PUDP: variants seen among roughly 807,000 people sequenced by gnomAD.
The protein encoded by PUDP is pseudouridine-5'-phosphatase.
In PUDP, 8 loss-of-function variants were observed where a neutral mutation model predicts 9.4. The observed-to-expected ratio is 0.85, with a 90% confidence interval of 0.50 to 1.53. The LOEUF is 1.53. Among genes scored for constraint, PUDP ranks in the 40% most tolerant of loss-of-function variants. The pLI is 0.00. For synonymous variants in PUDP, 99 were observed against 80.7 expected (o/e 1.23, Z -1.22); for missense variants, 188 against 189.7 (o/e 0.99, Z 0.05).
intron 3 of PUDP, among the ~76,000 whole-genome samples, chrX:6,812,549 A>C (rs1926161039): frequency 1.8e-5 from 2 of 111,875 alleles, no homozygotes; most frequent in African/African-American, 6.5e-5. Context: ...GAAAGTTTGA[A>C]GAGACATTAC....
intron 1 of PUDP, among the ~76,000 whole-genome samples, chrX:7,132,923 T>G (rs1487290434): frequency 9.0e-5 from 10 of 111,544 alleles, no homozygotes; most frequent in Non-Finnish European, 1.1e-4. Context: ...GTGGTAAAGG[T>G]TCTCAGTAAA....
At chrX:6,822,658 C>G (rs912475004) in intron 3 of PUDP, among the ~76,000 whole-genome samples, 3 of 108,714 alleles carry the variant, frequency 2.8e-5, no homozygotes, top group African/African-American at 1.0e-4. Flanking sequence ...ATCTCCTGAC[C>G]TCGTGATCCA....
intron 3 of PUDP, among the ~76,000 whole-genome samples, chrX:6,854,026 C>A (rs1418571537): frequency 9.0e-6 from 1 of 111,681 alleles, no homozygotes; most frequent in South Asian, 3.8e-4. Flanking sequence ...AGCCTACTAA[C>A]GTGCTGGGAT....
chrX:6,723,794 A>G (rs1255052257), upstream of PUDP, among the ~76,000 whole-genome samples: 1 of 112,171 alleles, frequency 8.9e-6, no homozygotes, highest in Admixed American at 9.5e-5. Context: ...TCTAGGGAAG[A>G]TGAAAAAGTA....
At chrX:7,039,448 G>A (rs1247872205) in intron 1 of PUDP, among the ~76,000 whole-genome samples, 1 of 111,997 alleles carries the variant, frequency 8.9e-6, no homozygotes, top group East Asian at 2.8e-4. Context: ...TTGGAGATGG[G>A]TCATTAAGGA....
intron 3 of PUDP, among the ~76,000 whole-genome samples, chrX:6,795,935 T>C (rs1925837478): frequency 8.9e-6 from 1 of 112,128 alleles, no homozygotes; most frequent in South Asian, 3.7e-4. Flanking sequence ...GTGACTCTTC[T>C]TCCTTGAAAT....
chrX:7,066,041 T>C (rs1053436610), intron 3 of PUDP, among the ~76,000 whole-genome samples: 17 of 112,312 alleles, frequency 1.5e-4, no homozygotes, highest in African/African-American at 4.9e-4. Flanking sequence ...ATTGACACAA[T>C]TGTAAAAGAT....
At chrX:7,075,997 C>G (rs777187628) in intron 3 of PUDP, among the ~76,000 whole-genome samples, 11 of 110,812 alleles carry the variant, frequency 9.9e-5, no homozygotes, top group Non-Finnish European at 1.7e-4. Flanking sequence ...CTGGGCTAAC[C>G]GTAGGAGTCA....
chrX:6,958,540 T>C (rs762177063), intron 3 of PUDP, among the ~76,000 whole-genome samples: 1 of 110,912 alleles, frequency 9.0e-6, no homozygotes, highest in Non-Finnish European at 1.9e-5. Context: ...CTACTTTACT[T>C]TTTACAATGG....
chrX:7,046,702 G>A (rs2146833473), downstream of PUDP, among the ~76,000 whole-genome samples: 1 of 111,954 alleles, frequency 8.9e-6, no homozygotes, highest in South Asian at 3.8e-4. Flanking sequence ...CTTTGCCTAT[G>A]TGAAGGATGA....
downstream of PUDP, among the ~76,000 whole-genome samples, chrX:7,044,091 T>C (rs1308477486): frequency 8.9e-6 from 1 of 112,246 alleles, no homozygotes; most frequent in East Asian, 2.8e-4. Context: ...CACATAGGCA[T>C]GAAAAGTATT....
At chrX:7,028,792 G>C (rs767629890) in intron 1 of PUDP, among the ~76,000 whole-genome samples, 2 of 111,542 alleles carry the variant, frequency 1.8e-5, no homozygotes, top group Non-Finnish European at 3.8e-5. Flanking sequence ...GCCACGGACC[G>C]GGCCGCTTAC....
intron 2 of PUDP, among the ~76,000 whole-genome samples, chrX:7,094,047 G>T (rs1288288189): frequency 9.0e-6 from 1 of 111,440 alleles, no homozygotes; most frequent in Non-Finnish European, 1.9e-5. Flanking sequence ...GGGATCACTT[G>T]AGCCAGGGAG....
chrX:6,905,834 G>T (rs1004293844), intron 3 of PUDP, among the ~76,000 whole-genome samples: 1 of 111,827 alleles, frequency 8.9e-6, no homozygotes, highest in African/African-American at 3.3e-5. Context: ...TATCTTAAAT[G>T]CAAAATAAAA....
At chrX:7,120,051 C>T (rs1185748409) in intron 1 of PUDP, among the ~76,000 whole-genome samples, 1 of 111,117 alleles carries the variant, frequency 9.0e-6, no homozygotes, top group Non-Finnish European at 1.9e-5. Flanking sequence ...ATTTACAATA[C>T]ATACATACAC....
intron 3 of PUDP, among the ~76,000 whole-genome samples, chrX:6,773,104 A>G (rs919131448): frequency 1.2e-4 from 14 of 112,302 alleles, no homozygotes; most frequent in Non-Finnish European, 2.3e-4. Flanking sequence ...ATTTAGATGG[A>G]AAAGTTCACG....
At chrX:6,714,601 A>G (rs1329279502) in intron 1 of PUDP, among the ~76,000 whole-genome samples, 1 of 111,426 alleles carries the variant, frequency 9.0e-6, no homozygotes, top group African/African-American at 3.3e-5. Context: ...GATATGATAG[A>G]TAGATACATA....
chrX:7,027,732 T>A (rs2146824314), intron 1 of PUDP, among the ~76,000 whole-genome samples: 1 of 99,161 alleles, frequency 1.0e-5, no homozygotes, highest in South Asian at 4.5e-4. Flanking sequence ...GACTACATTA[T>A]AGTCTATATA....
At chrX:6,840,925 T>C (rs149675402) in intron 3 of PUDP, among the ~76,000 whole-genome samples, 2,463 of 110,938 alleles carry the variant, frequency 0.022, 32 homozygotes, top group Middle Eastern at 0.056. Flanking sequence ...TTCTAAAAAA[T>C]AGTCTTTTAA....
Sources: allele counts gnomAD v4.1 joint callset (sites outside exome capture counted in the v4.1 genomes callset), GRCh38; gene constraint gnomAD v4.1.1; transcripts MANE v1.5; gene names NCBI Gene and HGNC (gene_info 2026-07-23, HGNC 2026-07-21).